Variants in FAM20A observed in about 807,000 individuals in gnomAD.
The protein encoded by FAM20A is pseudokinase FAM20A.
Under a neutral mutation model 52.0 loss-of-function variants are expected in FAM20A, and 42 were observed. The ratio of observed to expected loss-of-function variants is 0.81; its 90% CI spans 0.63 to 1.04. FAM20A has a LOEUF of 1.04. FAM20A is among the 50% of genes least tolerant of loss of function. The pLI is 0.00. For synonymous variants in FAM20A, 304 were observed against 298.9 expected (o/e 1.02, Z -0.18); for missense variants, 742 against 712.7 (o/e 1.04, Z -0.47).
In FAM20A at chr17:68,537,815, A is replaced by T; in HGVS notation, c.1362-74T>A. ...AACTTGCCTGAACTTCTTTCCCCACAAACAGCTGTTGTAGCTGATACTCTT... is the reference window on the plus strand; with the variant it reads ...AACTTGCCTGAACTTCTTTCCCCACTAACAGCTGTTGTAGCTGATACTCTT... On this transcript the variant is annotated intron_variant, in intron 10 of 10. Transcript: ENST00000592554. The surrounding 1 kb of genome is among the most constrained non-coding windows in gnomAD (Gnocchi z 4.2). 1 of 1,506,534 alleles carries T rather than the reference A, an allele frequency of 6.6e-7. No homozygotes were observed. Among genetic ancestry groups the T allele is most frequent in the Non-Finnish European group, 9.0e-7 (1 of 1,109,296 alleles). The allele number at this position is 1,506,534 out of a possible 1,614,324, so 93.3% of individuals were successfully genotyped here.
At chr17:68,597,086 C>A (rs919657493) in intron 1 of FAM20A, among the ~76,000 whole-genome samples, 1 of 152,010 alleles carries the variant, frequency 6.6e-6, no homozygotes, top group Non-Finnish European at 1.5e-5. Context: ...TGTGTGAAAT[C>A]AAAAAGGAAC....
intron 1 of FAM20A, chr17:68,591,884 TTTC>T (rs1461236856): frequency 6.6e-6 from 1 of 152,268 alleles, no homozygotes; most frequent in Non-Finnish European, 1.5e-5. Flanking sequence ...GAGAGGTATC[TTTC>T]TTTTTTCCTT....
chr17:68,540,853 CAAG>C lies in FAM20A; in HGVS notation c.1212_1214del (p.Phe404del). The C allele has an allele frequency of 6.3e-7, 1 of 1,598,526 alleles. No homozygotes were observed. Among genetic ancestry groups the C allele is most frequent in the Non-Finnish European group, 8.5e-7 (1 of 1,172,114 alleles). ...GGCCTGCGTGTGGGGACCTACCTAT[CAAG>C]AAGTCGAAGATGGCCATGTCGATGA... On this transcript the variant is annotated inframe_deletion, in exon 8 of 11. Transcript: ENST00000592554.
intron 4 of FAM20A, among the ~76,000 whole-genome samples, chr17:68,548,123 A>C (rs2086653204): frequency 6.6e-6 from 1 of 152,200 alleles, no homozygotes; most frequent in Non-Finnish European, 1.5e-5. Flanking sequence ...GGCCAGGTGC[A>C]GTGGCTCACA....
In FAM20A at chr17:68,563,614, A is replaced by G. The variant is rs1016412052; in HGVS notation, c.405-7871T>C. Reference sequence around the variant, plus strand: ...AAACAAACAAAACCACTTCCCTAAGATGATCTTATAGGTGGGTCAACATGA... The same window carrying G: ...AAACAAACAAAACCACTTCCCTAAGGTGATCTTATAGGTGGGTCAACATGA... On this transcript the variant is annotated intron_variant, in intron 1 of 10. Transcript: ENST00000592554. Among the ~76,000 whole-genome samples, 67 of 151,842 alleles carry G rather than the reference A, an allele frequency of 4.4e-4. 2 individuals are homozygous for G. The highest frequency in any genetic ancestry group is 4.3e-3 in the Admixed American group (66 of 15,248).
rs2087284646 is a variant in FAM20A, at chr17:68,563,545, T to C, written c.405-7802A>G. Among the ~76,000 whole-genome samples, 2 of 151,874 alleles carry C rather than the reference T, an allele frequency of 1.3e-5. 1 individual carries two copies. The highest frequency in any genetic ancestry group is 4.8e-5 in the African/African-American group (2 of 41,378). On this transcript the variant is annotated intron_variant, in intron 1 of 10. Coordinates refer to ENST00000592554, the MANE Select transcript of FAM20A (RefSeq NM_017565.4). ...ATGATGTCCATGCAAGACTCTGAAA[T>C]TTGTTCCCCATGTCCGCAGTTTTTA...
chr17:68,579,802 G>A (rs1424989410), intron 1 of FAM20A, among the ~76,000 whole-genome samples: 2 of 152,128 alleles, frequency 1.3e-5, no homozygotes, highest in East Asian at 3.9e-4. Context: ...ATGAAGTGCT[G>A]GCTCTTCAAT....
chr17:68,577,854 T>G lies in FAM20A; in HGVS notation c.405-22111A>C, dbSNP rs1568770032. ...GTCAGCAAGCATTTAGTTGTCAGAC[T>G]TCTACCAACCTAACAAGCATATTGA... On this transcript the variant is annotated intron_variant, in intron 1 of 10. Transcript: ENST00000592554. Among the ~76,000 whole-genome samples, 9 of 152,338 alleles carry G rather than the reference T, an allele frequency of 5.9e-5. 1 individual carries two copies. The South Asian group carries it at 8.3e-4, about 14-fold the overall frequency.
intron 3 of FAM20A, among the ~76,000 whole-genome samples, chr17:68,553,953 T>TATGCATATATACATATATACACAC (rs71372117): frequency 8.4e-5 from 9 of 106,584 alleles, no homozygotes; most frequent in Non-Finnish European, 5.8e-5. Context: ...TACACACATA[T>TATGCATATATACATATATACACAC]ATGCATATAT....
intron 6 of FAM20A, among the ~76,000 whole-genome samples, 196 bp downstream of exon 6, chr17:68,542,498 A>T (rs1047065261): frequency 6.6e-6 from 1 of 152,128 alleles, no homozygotes; most frequent in Non-Finnish European, 1.5e-5. Flanking sequence ...AGCATCTCAA[A>T]CACAACCTTT....
rs759286129 is a variant in FAM20A, at chr17:68,540,813, C to G, written c.1219+36G>C. 86 of 1,566,392 alleles carry G rather than the reference C, an allele frequency of 5.5e-5. No individual in the cohort carries two copies. The African/African-American group carries it at 9.3e-4, about 17-fold the overall frequency. ...GGGGAACCCTAGCCACATAGCAGAG[C>G]CCACTTCTGCTGGGGGCCTGCGTGT... On this transcript the variant is annotated intron_variant, in intron 8 of 10. Coordinates refer to ENST00000592554, the MANE Select transcript of FAM20A (RefSeq NM_017565.4).
rs746662580 is a variant in FAM20A at position 68,555,692 on chromosome 17, TG to T, written c.455del (p.Pro152HisfsTer37). 6.2e-7 allele frequency: 1 copy of T among 1,613,886 alleles called. No individual in the cohort carries two copies. The highest frequency in any genetic ancestry group is 1.1e-5 in the South Asian group (1 of 91,064). On this transcript the variant is annotated frameshift_variant, in exon 2 of 11. Coordinates refer to ENST00000592554, the MANE Select transcript of FAM20A (RefSeq NM_017565.4). LOFTEE classifies it high-confidence loss of function. ...AGCTGGCCTCGAGTCGGAGCTGCAG[TG>T]GGGGGTCCAGGGAGGTAAGGTTCAT... Reference protein sequence around the residue: ...EQMNLTSLDPPLQLRLEASWV... With the variant: ...EQMNLTSLDPXLQLRLEASWV...
chr17:68,561,946 C>CT (rs1427499697), intron 1 of FAM20A, among the ~76,000 whole-genome samples: 5 of 152,138 alleles, frequency 3.3e-5, no homozygotes, highest in Non-Finnish European at 5.9e-5. Context: ...CCTCAGCCTC[C>CT]CGAGTAGCTG....
intron 4 of FAM20A, among the ~76,000 whole-genome samples, chr17:68,545,433 A>T (rs1380662175): frequency 1.3e-5 from 2 of 152,254 alleles, no homozygotes; most frequent in Non-Finnish European, 2.9e-5. Context: ...ACGTTTCATT[A>T]TACTGGAGTC....
At chr17:68,551,197 C>T in intron 4 of FAM20A, 2 of 1,115,864 alleles carry the variant, frequency 1.8e-6, no homozygotes, top group Non-Finnish European at 2.3e-6. Context: ...AACCCAAACT[C>T]ACACCAAGCT....
At chr17:68,568,957 G>A (rs1276462481) in intron 1 of FAM20A, among the ~76,000 whole-genome samples, 3 of 151,878 alleles carry the variant, frequency 2.0e-5, no homozygotes, top group African/African-American at 4.9e-5. Flanking sequence ...CCTAGGCACT[G>A]CCCGATCTTT....
chr17:68,555,925 T>G (rs1421084707), intron 1 of FAM20A, among the ~76,000 whole-genome samples, 182 bp from the exon 2 acceptor site: 1 of 152,168 alleles, frequency 6.6e-6, no homozygotes, highest in African/African-American at 2.4e-5. Flanking sequence ...GTGGGGTCCT[T>G]TCTTACCCTC....
In FAM20A at chr17:68,536,101, C is replaced by T. The variant is rs1204194494; in HGVS notation, c.*1376G>A. ...AGAGAGACACAAAGTCCAGGGGCAGCATACCAGTCATGTGGGGGTACCACG... is the reference window on the plus strand; with the variant it reads ...AGAGAGACACAAAGTCCAGGGGCAGTATACCAGTCATGTGGGGGTACCACG... On this transcript the variant is annotated 3_prime_UTR_variant, in exon 11 of 11. Coordinates refer to ENST00000592554, the MANE Select transcript of FAM20A (RefSeq NM_017565.4). 2 of 454,096 alleles carry T rather than the reference C, an allele frequency of 4.4e-6. No homozygotes were observed. The highest frequency in any genetic ancestry group is 4.4e-6 in the Non-Finnish European group (1 of 226,782). The allele number at this position is 454,096 out of a possible 1,614,324, so 28.1% of individuals were successfully genotyped here. A position where few individuals can be genotyped will look rare whatever the true frequency, so the allele number is the denominator to read the frequency against.
chr17:68,555,937 G>A (rs1319941983), intron 1 of FAM20A, among the ~76,000 whole-genome samples, 194 bp from the exon 2 acceptor site: 1 of 152,150 alleles, frequency 6.6e-6, no homozygotes, highest in African/African-American at 2.4e-5. Context: ...CTTACCCTCA[G>A]AGGGCTTACA....
Sources: allele counts gnomAD v4.1 joint callset (sites outside exome capture counted in the v4.1 genomes callset), GRCh38; gene constraint gnomAD v4.1.1; non-coding constraint Gnocchi (gnomAD v3.1); transcripts MANE v1.5; gene names NCBI Gene and HGNC (gene_info 2026-07-23, HGNC 2026-07-21).